Variants in MYO1H observed in about 807,000 individuals in gnomAD.
The protein encoded by MYO1H is unconventional myosin-Ih.
A neutral mutation model predicts 149.3 loss-of-function variants in MYO1H; 118 were observed. The observed-to-expected ratio is 0.79, with a 90% confidence interval of 0.68 to 0.92. The LOEUF (loss-of-function observed/expected upper bound fraction) is 0.92. Among genes scored for constraint, MYO1H ranks in the 40% least tolerant of loss-of-function variants. The probability of loss-of-function intolerance (pLI) is 0.00; values close to 1 mark genes in which losing one functional copy is unlikely to be tolerated. For missense variants in MYO1H, 1,212 were observed against 1,280.7 expected (o/e 0.95, Z 0.82); for synonymous variants, 447 against 465.2 (o/e 0.96, Z 0.50).
chr12:109,379,379 G>C (rs550872422), intron 1 of MYO1H, among the ~76,000 whole-genome samples: 2 of 152,202 alleles, frequency 1.3e-5, no homozygotes, highest in African/African-American at 4.8e-5. Context: ...GTTGTTGGGT[G>C]CAACGGTCTA....
chr12:109,339,496 A>G, the MYO1H span, among the ~76,000 whole-genome samples: 1 of 152,232 alleles, frequency 6.6e-6, no homozygotes, highest in African/African-American at 2.4e-5. Flanking sequence ...ATTAAGAAAA[A>G]ACTTCTGACA....
chr12:109,440,111 T>C (rs542567724), intron 24 of MYO1H, among the ~76,000 whole-genome samples: 10 of 152,074 alleles, frequency 6.6e-5, no homozygotes, highest in African/African-American at 2.4e-4. Flanking sequence ...CTTGGCTCAC[T>C]GCAACCTCCG....
rs1027102380 is a variant in MYO1H at position 109,403,316 on chromosome 12, C to T, written c.751-666C>T. Among the ~76,000 whole-genome samples, 3 of 152,156 alleles carry T rather than the reference C, an allele frequency of 2.0e-5. No homozygotes were observed. The South Asian group carries it at 6.2e-4, about 32-fold the overall frequency. On this transcript the variant is annotated intron_variant, in intron 6 of 31. Coordinates refer to ENST00000310903, the Ensembl canonical transcript of MYO1H. ...CATGGTATGACACATCTGATTTCCC[C>T]CATGCAATGAAGAAATCTTTTAAGA...
At chr12:109,351,806 A>C (rs1162020675) in intron 1 of MYO1H, among the ~76,000 whole-genome samples, 2 of 152,184 alleles carry the variant, frequency 1.3e-5, no homozygotes, top group Non-Finnish European at 2.9e-5. Context: ...AAATGTTTCT[A>C]ATAGTAGTTT....
At chr12:109,420,430 G>T (rs551438188) in intron 15 of MYO1H, among the ~76,000 whole-genome samples, 2 of 152,294 alleles carry the variant, frequency 1.3e-5, no homozygotes, top group East Asian at 3.9e-4. Flanking sequence ...GGCTGTGCAG[G>T]AAGCATGGCT....
chr12:109,366,967 C>T (rs1868878535), intron 1 of MYO1H, among the ~76,000 whole-genome samples: 1 of 152,172 alleles, frequency 6.6e-6, no homozygotes, highest in Non-Finnish European at 1.5e-5. Flanking sequence ...GTGAGATGCT[C>T]AACCAGCAAG....
chr12:109,396,509 C>T (rs1869912721), exon 4 of MYO1H: 1 of 1,613,810 alleles, frequency 6.2e-7, no homozygotes, highest in Admixed American at 1.7e-5. Flanking sequence ...GAGTATTTTG[C>T]AGTGACCTGC....
intron 5 of MYO1H, among the ~76,000 whole-genome samples, chr12:109,400,356 A>G (rs143161459): frequency 1.2e-3 from 186 of 152,320 alleles, no homozygotes; most frequent in African/African-American, 3.9e-3. Context: ...CCTTGCCAAC[A>G]TTTATATTCT....
At chr12:109,408,021 G>A (rs1234171744) in intron 10 of MYO1H, 108 bp downstream of exon 10, 2 of 1,359,522 alleles carry the variant, frequency 1.5e-6, no homozygotes, top group African/African-American at 2.9e-5. Flanking sequence ...GGCGCCTCAT[G>A]GGCAGAGATG....
intron 1 of MYO1H, among the ~76,000 whole-genome samples, chr12:109,375,389 G>A (rs1427984510): frequency 6.6e-6 from 1 of 152,098 alleles, no homozygotes; most frequent in East Asian, 1.9e-4. Context: ...ATGGCCTCAA[G>A]CGATCTGCCC....
At chr12:109,340,422 GC>G in the MYO1H span, among the ~76,000 whole-genome samples, 1 of 152,170 alleles carries the variant, frequency 6.6e-6, no homozygotes, top group Non-Finnish European at 1.5e-5. Flanking sequence ...ACCTGCCTTG[GC>G]CTCCCAAACT....
At chr12:109,359,519 C>T (rs2137003701) in intron 1 of MYO1H, 1 of 152,214 alleles carries the variant, frequency 6.6e-6, no homozygotes, top group East Asian at 1.9e-4. Context: ...CGGGCCCCAC[C>T]TCCTTGGAGT....
intron 7 of MYO1H, 30 bp from the exon 8 acceptor site, chr12:109,405,891 TC>T: frequency 6.7e-7 from 1 of 1,486,528 alleles, no homozygotes; most frequent in Non-Finnish European, 9.4e-7. Context: ...TGTCCTGATC[TC>T]CTGTCTCTGA....
At chr12:109,431,338 C>T (rs1256954941) in intron 19 of MYO1H, among the ~76,000 whole-genome samples, 2 of 152,072 alleles carry the variant, frequency 1.3e-5, no homozygotes, top group African/African-American at 2.4e-5. Flanking sequence ...GGAGATTGTG[C>T]CACTGCACTC....
intron 20 of MYO1H, among the ~76,000 whole-genome samples, chr12:109,433,223 A>G (rs1467281442): frequency 6.6e-6 from 1 of 152,210 alleles, no homozygotes; most frequent in African/African-American, 2.4e-5. Flanking sequence ...GTTATAAAGG[A>G]AACTTCCGCA....
chr12:109,382,222 C>T (rs984600258), intron 1 of MYO1H, among the ~76,000 whole-genome samples: 2 of 152,002 alleles, frequency 1.3e-5, no homozygotes, highest in African/African-American at 2.4e-5. Flanking sequence ...TTTGCCAAAA[C>T]CAATCAATCT....
chr12:109,353,017 G>A (rs187117532), intron 1 of MYO1H, among the ~76,000 whole-genome samples: 68 of 152,220 alleles, frequency 4.5e-4, no homozygotes, highest in African/African-American at 1.6e-3. Flanking sequence ...GAGTCTTCAA[G>A]TGGTAACATT....
At chr12:109,407,409 C>G (rs1157492374) in intron 9 of MYO1H, among the ~76,000 whole-genome samples, 1 of 146,758 alleles carries the variant, frequency 6.8e-6, no homozygotes, top group African/African-American at 2.4e-5. Context: ...CAAGAAAGAG[C>G]CATCATATGA....
chr12:109,442,037 A>T lies in MYO1H; in HGVS notation c.2633-180A>T, dbSNP rs1259044996. Reference sequence around the variant, plus strand: ...ACTCCAGCCTGGGAGACAGAGCGAGACTCTGTCTCCAAAAAAATAAGTCAA... The same window carrying T: ...ACTCCAGCCTGGGAGACAGAGCGAGTCTCTGTCTCCAAAAAAATAAGTCAA... On this transcript the variant is annotated intron_variant, in intron 26 of 31. Transcript: ENST00000310903. Among the ~76,000 whole-genome samples, 6 of 151,898 alleles carry T rather than the reference A, an allele frequency of 4.0e-5. No homozygotes were observed. The East Asian group carries it at 1.2e-3, about 29-fold the overall frequency.
Sources: gnomAD v4.1 joint callset for allele counts (sites outside exome capture counted in the v4.1 genomes callset) on GRCh38, gnomAD v4.1.1 for gene constraint, MANE v1.5 for transcripts, NCBI Gene and HGNC (gene_info 2026-07-23, HGNC 2026-07-21) for gene names.